Variants in ZNF560 observed in about 807,000 individuals in gnomAD.
The protein encoded by ZNF560 is zinc finger protein 560.
ZNF560 carries 54 observed loss-of-function variants against 81.8 expected under a neutral mutation model. The ratio of observed to expected loss-of-function variants is 0.66; its 90% CI spans 0.53 to 0.83. The LOEUF (loss-of-function observed/expected upper bound fraction) is 0.83, where lower values mean the gene tolerates loss of function less well. Ranked by LOEUF, ZNF560 falls within the 40% of genes least tolerant of loss-of-function variation. The pLI is 0.00. For synonymous variants in ZNF560, 321 were observed against 317.9 expected, an observed-to-expected ratio of 1.01 and a Z score of -0.10; for missense variants, 940 against 932.4, an observed-to-expected ratio of 1.01 and a Z score of -0.11.
chr19:9,464,000 C>T (rs1359078877), downstream of ZNF560, among the ~76,000 whole-genome samples: 3 of 152,178 alleles, frequency 2.0e-5, no homozygotes, highest in Non-Finnish European at 2.9e-5. Context: ...GATTGGTAAA[C>T]TTACCTGAAG....
At chr19:9,491,429 C>G (rs2073471181) in intron 2 of ZNF560, among the ~76,000 whole-genome samples, 1 of 152,036 alleles carries the variant, frequency 6.6e-6, no homozygotes, top group Non-Finnish European at 1.5e-5. Flanking sequence ...ATCCAATCAA[C>G]AAAGATTTGT....
chr19:9,468,654 C>T (rs73920796), intron 9 of ZNF560, among the ~76,000 whole-genome samples: 2,124 of 152,074 alleles, frequency 0.014, 53 homozygotes, highest in African/African-American at 0.048. Flanking sequence ...GATCTCTCTC[C>T]AGATATTTCT....
upstream of ZNF560, chr19:9,498,888 G>C (rs1599689221): frequency 6.6e-6 from 1 of 152,286 alleles, no homozygotes; most frequent in African/African-American, 2.4e-5. Flanking sequence ...TGGCAGAATG[G>C]ACCAGGAAGG....
At chr19:9,500,830 C>G (rs1203279588), upstream of ZNF560, among the ~76,000 whole-genome samples, 2 of 152,106 alleles carry the variant, frequency 1.3e-5, no homozygotes, top group Non-Finnish European at 2.9e-5. Context: ...CTGCCTTGGC[C>G]ACCCAAAGTG....
rs772748410 is a variant in ZNF560, at chr19:9,473,130, A to T, written c.238+49T>A. On this transcript the variant is annotated intron_variant, in intron 5 of 9. Coordinates refer to ENST00000301480, the MANE Select transcript of ZNF560 (RefSeq NM_152476.3). ...CAAGAACAGACTAACACAGCTTCTA[A>T]ACATACTGAACTTCTCACTGACCAA... is the stretch of plus-strand genomic sequence containing the variant. The T allele has an allele frequency of 5.7e-5, 82 of 1,444,792 alleles. No homozygotes were observed. The East Asian group carries it at 1.8e-3, about 32-fold the overall frequency. 89.5% of individuals were successfully genotyped at this position (1,444,792 alleles called of 1,614,324 possible). A position where few individuals can be genotyped will look rare whatever the true frequency, so the allele number is the denominator to read the frequency against.
chr19:9,457,001 T>C, the ZNF560 span, among the ~76,000 whole-genome samples: 1 of 152,210 alleles, frequency 6.6e-6, no homozygotes, highest in Non-Finnish European at 1.5e-5. Context: ...CCATTTTTGA[T>C]GGTAAGCCTG....
chr19:9,464,325 CAT>C (rs142099187), downstream of ZNF560, among the ~76,000 whole-genome samples: 1 of 152,294 alleles, frequency 6.6e-6, no homozygotes, highest in African/African-American at 2.4e-5. Flanking sequence ...CTGAGTCAGG[CAT>C]ATATGACTGC....
chr19:9,448,420 G>A, the ZNF560 span, among the ~76,000 whole-genome samples: 1 of 71,864 alleles, frequency 1.4e-5, no homozygotes, highest in South Asian at 4.5e-4. Context: ...TTTTTTAGTG[G>A]AGACAGGGTT....
rs75204366 is a variant in ZNF560 at position 9,467,612 on chromosome 19, T to C, written c.1335A>G (p.Pro445=). ...GAACTCTCAAATGTCCAAAAAGAGATGGGTAAGAAATAAAGGCTTTCCCAC... is the reference window on the plus strand; with the variant it reads ...GAACTCTCAAATGTCCAAAAAGAGACGGGTAAGAAATAAAGGCTTTCCCAC... ...DHCGKAFISY[P]SLFGHLRVHN... is the part of the protein sequence containing the mutation. Residue 445 remains proline (P), a synonymous_variant, in exon 10 of 10, where the codon CCA becomes CCG. Transcript: ENST00000301480. 3,514 of 1,613,994 alleles carry C rather than the reference T, an allele frequency of 2.2e-3. 104 individuals are homozygous for C. In the East Asian group the frequency reaches 0.063, roughly 29 times the overall value.
At chr19:9,450,491 A>C in the ZNF560 span, among the ~76,000 whole-genome samples, 1 of 152,186 alleles carries the variant, frequency 6.6e-6, no homozygotes, top group Non-Finnish European at 1.5e-5. Flanking sequence ...AAACAACTTC[A>C]GAATTTAGAA....
the ZNF560 span, among the ~76,000 whole-genome samples, chr19:9,446,396 A>ACACACACACACACACG: frequency 7.0e-6 from 1 of 142,508 alleles, no homozygotes; most frequent in African/African-American, 3.0e-5. Flanking sequence ...ACACACACAC[A>ACACACACACACACACG]CACACACACA....
chr19:9,474,449 C>T (rs1363162206), intron 3 of ZNF560, 124 bp from the exon 4 acceptor site: 14 of 1,062,856 alleles, frequency 1.3e-5, no homozygotes, highest in Non-Finnish European at 1.9e-5. Context: ...CTACCCAAAG[C>T]TTAATAATCC....
chr19:9,462,115 G>A (rs894144244), downstream of ZNF560, among the ~76,000 whole-genome samples: 1 of 152,118 alleles, frequency 6.6e-6, no homozygotes, highest in African/African-American at 2.4e-5. Flanking sequence ...ACAAAAAGGG[G>A]GACATGCTGG....
At chr19:9,476,109 T>A (rs2073198147) in intron 2 of ZNF560, among the ~76,000 whole-genome samples, 2 of 152,128 alleles carry the variant, frequency 1.3e-5, no homozygotes, top group African/African-American at 4.8e-5. Context: ...GGACTATATA[T>A]TCTGCATGGG....
At chr19:9,483,638 C>T (rs1257453725) in intron 2 of ZNF560, among the ~76,000 whole-genome samples, 11 of 146,664 alleles carry the variant, frequency 7.5e-5, no homozygotes, top group Non-Finnish European at 1.2e-4. Context: ...TGGGGGCCAG[C>T]CCCCCGCCGG....
At chr19:9,449,835 A>T in the ZNF560 span, among the ~76,000 whole-genome samples, 1 of 152,018 alleles carries the variant, frequency 6.6e-6, no homozygotes, top group East Asian at 1.9e-4. Context: ...CAGGTGTGCC[A>T]GTCTGTGCCT....
In ZNF560 at chr19:9,466,854, C is replaced by T. The variant is rs1330804486; in HGVS notation, c.2093G>A (p.Cys698Tyr). 6.2e-7 allele frequency: 1 copy of T among 1,613,510 alleles called. No individual in the cohort carries two copies. The highest frequency in any genetic ancestry group is 1.3e-5 in the African/African-American group (1 of 74,752). Residue 698 changes from cysteine to tyrosine, a missense_variant, in exon 10 of 10, where the codon TGC (cysteine) becomes TAC (tyrosine). By Grantham distance (194) the Cys-to-Tyr change is radical (BLOSUM62 -2). Transcript: ENST00000301480. ...GAGAGTTTTTAAGCGATCATGAAAGCACATGGAATTTCGAAAGGAATTTCC... is the reference window on the plus strand; with the variant it reads ...GAGAGTTTTTAAGCGATCATGAAAGTACATGGAATTTCGAAAGGAATTTCC... ...ACGNSFRNSM[C>Y]FHDRLKTLTK...
rs772334576 is a variant in ZNF560, at chr19:9,467,305, T to C, written c.1642A>G (p.Lys548Glu). The C allele has an allele frequency of 1.9e-6, 3 of 1,614,098 alleles. No individual in the cohort carries two copies. Among genetic ancestry groups the C allele is most frequent in the Non-Finnish European group, 2.5e-6 (3 of 1,179,972 alleles). Residue 548 changes from lysine (K) to glutamate (E), a missense_variant, in exon 10 of 10, where the codon AAA becomes GAA. Physicochemically the swap from Lys to Glu is moderately conservative, Grantham distance 56. Coordinates refer to ENST00000301480, the MANE Select transcript of ZNF560 (RefSeq NM_152476.3). ...CACTTAGTGAAAGCTTTACCACATT[T>C]CTTACATTGATAGAGTCTCTCTTCT... ...HTEERLYQCK[K>E]CGKAFTKCSY...
intron 2 of ZNF560, among the ~76,000 whole-genome samples, chr19:9,492,086 T>A (rs2073483173): frequency 6.6e-6 from 1 of 151,866 alleles, no homozygotes; most frequent in African/African-American, 2.4e-5. Flanking sequence ...GCTCAAGCAA[T>A]CTTTCTGCCT....
Sources: allele counts gnomAD v4.1 joint callset (sites outside exome capture counted in the v4.1 genomes callset), GRCh38; gene constraint gnomAD v4.1.1; transcripts MANE v1.5; gene names NCBI Gene and HGNC (gene_info 2026-07-23, HGNC 2026-07-21).